PTPRD: variants seen among roughly 807,000 people sequenced by gnomAD.
The protein encoded by PTPRD is receptor-type tyrosine-protein phosphatase delta.
In PTPRD, 34 loss-of-function variants were observed where a neutral mutation model predicts 214.5. The ratio of observed to expected loss-of-function variants is 0.16; its 90% CI spans 0.12 to 0.21. PTPRD has a LOEUF of 0.21. PTPRD is among the 10% of genes least tolerant of loss of function. PTPRD has a pLI of 1.00. For synonymous variants in PTPRD, 1,128 were observed against 845.7 expected, an observed-to-expected ratio of 1.33 and a Z score of -5.79; for missense variants, 2,545 against 2,398.7, an observed-to-expected ratio of 1.06 and a Z score of -1.27.
chr9:10,515,020 T>A (rs2049565049), intron 2 of PTPRD, among the ~76,000 whole-genome samples: 1 of 151,986 alleles, frequency 6.6e-6, no homozygotes. Context: ...TGTTAGTACT[T>A]AAAAAGTAAT....
chr9:10,536,111 A>T (rs1021328224), intron 2 of PTPRD, among the ~76,000 whole-genome samples: 1 of 152,118 alleles, frequency 6.6e-6, no homozygotes, highest in African/African-American at 2.4e-5. Flanking sequence ...CCTGGACCAA[A>T]TCCTAATCCA....
chr9:8,448,769 C>T (rs959438660), intron 34 of PTPRD, among the ~76,000 whole-genome samples: 16 of 152,096 alleles, frequency 1.1e-4, no homozygotes, highest in Admixed American at 9.2e-4. Context: ...CAAAATAATT[C>T]ACTGTAAAAT....
intron 3 of PTPRD, among the ~76,000 whole-genome samples, chr9:10,248,150 G>T (rs2092374973): frequency 6.6e-6 from 1 of 151,964 alleles, no homozygotes; most frequent in Non-Finnish European, 1.5e-5. Context: ...TTCTTAAATT[G>T]CCCATTCTCA....
At chr9:8,333,457 C>T (rs527907977) in intron 43 of PTPRD, among the ~76,000 whole-genome samples, 1 of 152,252 alleles carries the variant, frequency 6.6e-6, no homozygotes, top group South Asian at 2.1e-4. Flanking sequence ...CCAAATTAAG[C>T]TTCATAAGCA....
intron 4 of PTPRD, among the ~76,000 whole-genome samples, chr9:9,951,470 A>AG (rs1179424924): frequency 1.3e-5 from 2 of 152,196 alleles, no homozygotes; most frequent in East Asian, 1.9e-4. Flanking sequence ...ACTATGTCCT[A>AG]GGGAGGGACA....
chr9:8,925,333 G>A (rs1184118178), intron 11 of PTPRD, among the ~76,000 whole-genome samples: 3 of 152,070 alleles, frequency 2.0e-5, no homozygotes, highest in East Asian at 3.9e-4. Flanking sequence ...GGCAGGGGAT[G>A]CAGGGGAAGG....
intron 3 of PTPRD, among the ~76,000 whole-genome samples, chr9:10,157,830 T>G (rs13292989): frequency 6.6e-6 from 1 of 151,888 alleles, no homozygotes. Flanking sequence ...TTAGTTTTAT[T>G]TATTATTTTT....
chr9:9,304,961 C>T (rs1187297409), intron 9 of PTPRD, among the ~76,000 whole-genome samples: 1 of 146,692 alleles, frequency 6.8e-6, no homozygotes, highest in Non-Finnish European at 1.5e-5. Flanking sequence ...GGATGGGAGT[C>T]TGTAATCTAG....
intron 10 of PTPRD, among the ~76,000 whole-genome samples, chr9:9,069,000 G>C (rs2099739847): frequency 6.6e-6 from 1 of 152,068 alleles, no homozygotes; most frequent in Non-Finnish European, 1.5e-5. Flanking sequence ...CAATTCTGTA[G>C]TAAGATTTCA....
rs190375661 is a variant in PTPRD at position 8,900,201 on chromosome 9, C to G, written c.-104+118496G>C. On this transcript the variant is annotated intron_variant, in intron 11 of 45. Coordinates refer to ENST00000381196, the MANE Select transcript of PTPRD (RefSeq NM_002839.4). ...AAATAATTAGGTTCAAAGGTATTAC[C>G]TTGGTGAAAAAGCACCATTAGAAAG... Among the ~76,000 whole-genome samples the G allele has an allele frequency of 3.3e-5, 5 of 152,150 alleles. No homozygotes were observed. The East Asian group carries it at 9.7e-4, about 29-fold the overall frequency.
intron 11 of PTPRD, among the ~76,000 whole-genome samples, chr9:8,738,327 A>T (rs1187175022): frequency 6.6e-6 from 1 of 152,184 alleles, no homozygotes; most frequent in Non-Finnish European, 1.5e-5. Flanking sequence ...AAGTATATTC[A>T]TATTCAAACC....
chr9:9,561,488 T>C (rs2082934275), intron 8 of PTPRD, among the ~76,000 whole-genome samples: 1 of 152,210 alleles, frequency 6.6e-6, no homozygotes, highest in South Asian at 2.1e-4. Flanking sequence ...TCATCAACAC[T>C]ACTAAGTAAA....
chr9:10,151,398 G>C (rs2099060383), intron 3 of PTPRD, among the ~76,000 whole-genome samples: 1 of 151,334 alleles, frequency 6.6e-6, no homozygotes, highest in South Asian at 2.1e-4. Context: ...GAGTAGCTGG[G>C]ATTACAGGCA....
intron 2 of PTPRD, among the ~76,000 whole-genome samples, chr9:10,398,489 T>C (rs2098214475): frequency 6.6e-6 from 1 of 151,958 alleles, no homozygotes; most frequent in Admixed American, 6.6e-5. Context: ...TTTGCTAATC[T>C]TTCTAGTGAA....
At chr9:10,097,638 G>T (rs2098504862) in intron 3 of PTPRD, among the ~76,000 whole-genome samples, 1 of 151,652 alleles carries the variant, frequency 6.6e-6, no homozygotes, top group African/African-American at 2.4e-5. Flanking sequence ...GAGATTTTGG[G>T]CTGAGACGAT....
At chr9:8,758,048 A>T (rs1046685168) in intron 11 of PTPRD, among the ~76,000 whole-genome samples, 1 of 152,226 alleles carries the variant, frequency 6.6e-6, no homozygotes, top group African/African-American at 2.4e-5. Context: ...CCGTGCTTCA[A>T]CTTCCATCTG....
chr9:10,600,221 G>T (rs2077616890), intron 2 of PTPRD, among the ~76,000 whole-genome samples: 1 of 151,088 alleles, frequency 6.6e-6, no homozygotes, highest in African/African-American at 2.4e-5. Context: ...TTTTTTAATT[G>T]GTAATTCCAT....
intron 8 of PTPRD, among the ~76,000 whole-genome samples, chr9:9,564,352 T>C (rs755994269): frequency 3.2e-4 from 49 of 152,122 alleles, no homozygotes; most frequent in Non-Finnish European, 5.9e-4. Context: ...GGAATGCTTC[T>C]CCTGTTACCC....
intron 3 of PTPRD, among the ~76,000 whole-genome samples, chr9:10,036,214 T>A (rs764281307): frequency 6.6e-6 from 1 of 152,258 alleles, no homozygotes; most frequent in Non-Finnish European, 1.5e-5. Flanking sequence ...CATACACTAG[T>A]GGAATCTCTG....
Sources: allele counts gnomAD v4.1 joint callset (sites outside exome capture counted in the v4.1 genomes callset), GRCh38; gene constraint gnomAD v4.1.1; transcripts MANE v1.5; gene names NCBI Gene and HGNC (gene_info 2026-07-23, HGNC 2026-07-21).